The following GRID1 variants were observed in gnomAD, a reference collection of about 807,000 sequenced individuals.
The protein encoded by GRID1 is glutamate receptor ionotropic, delta-1.
GRID1 carries 28 observed loss-of-function variants against 98.0 expected under a neutral mutation model. The ratio of observed to expected loss-of-function variants is 0.29; its 90% CI spans 0.21 to 0.39. GRID1 has a LOEUF of 0.39. Among genes scored for constraint, GRID1 ranks in the 10% least tolerant of loss-of-function variants. GRID1 has a pLI of 1.00. For synonymous variants in GRID1, 553 were observed against 538.5 expected (o/e 1.03, Z -0.37); for missense variants, 1,111 against 1,340.5 (o/e 0.83, Z 2.67).
intron 4 of GRID1, among the ~76,000 whole-genome samples, chr10:86,069,804 T>C (rs1378006112): frequency 6.6e-6 from 1 of 152,206 alleles, no homozygotes; most frequent in Non-Finnish European, 1.5e-5. Context: ...CATTTCCTGT[T>C]AGCCATAACA....
intron 12 of GRID1, among the ~76,000 whole-genome samples, chr10:85,709,803 T>C (rs1438466373): frequency 6.6e-6 from 1 of 152,218 alleles, no homozygotes; most frequent in Non-Finnish European, 1.5e-5. Context: ...AGGAGGAATA[T>C]AGACCATAGC....
At chr10:86,207,870 T>C (rs1264925261) in intron 2 of GRID1, among the ~76,000 whole-genome samples, 1 of 152,122 alleles carries the variant, frequency 6.6e-6, no homozygotes, top group African/African-American at 2.4e-5. Context: ...GACCTCGTGA[T>C]CCGCCCGTCT....
intron 9 of GRID1, 107 bp from the exon 10 acceptor site, chr10:85,728,159 C>G: frequency 1.2e-6 from 1 of 851,986 alleles, no homozygotes; most frequent in South Asian, 1.4e-5. Flanking sequence ...TTGCAGTTCC[C>G]CAATTTAGGA....
At position 86,365,764 on chromosome 10, in the gene GRID1, C is replaced by CG. The variant is rs1848668152; in HGVS notation, c.79+549dup. Among the ~76,000 whole-genome samples, 1 of 152,154 alleles carries CG rather than the reference C, an allele frequency of 6.6e-6. No homozygotes were observed. The highest frequency in any genetic ancestry group is 1.5e-5 in the Non-Finnish European group (1 of 68,028). ...CCACTCTAACAGGCTGACAGACAGTCGTGCACGCACCAACACACGCTCAGA... is the reference window on the plus strand; with the variant it reads ...CCACTCTAACAGGCTGACAGACAGTCGGTGCACGCACCAACACACGCTCAGA... On this transcript the variant is annotated intron_variant, in intron 1 of 15. Coordinates refer to ENST00000327946, the MANE Select transcript of GRID1 (RefSeq NM_017551.3). This position sits in a 1 kb window ranked among gnomAD's most constrained non-coding sequence, Gnocchi z 4.8.
chr10:86,165,743 C>G (rs1243312437), intron 3 of GRID1, among the ~76,000 whole-genome samples: 2 of 152,146 alleles, frequency 1.3e-5, no homozygotes, highest in African/African-American at 4.8e-5. Context: ...GACAAACTGT[C>G]CCACTGACCA....
intron 8 of GRID1, among the ~76,000 whole-genome samples, chr10:85,778,434 T>G (rs1842351969): frequency 6.6e-6 from 1 of 152,162 alleles, no homozygotes. Flanking sequence ...TCAGGAACCA[T>G]GTGGTATTCA....
At chr10:85,864,656 C>T (rs753576796) in intron 6 of GRID1, among the ~76,000 whole-genome samples, 3 of 152,090 alleles carry the variant, frequency 2.0e-5, no homozygotes, top group Non-Finnish European at 2.9e-5. Flanking sequence ...AACAGGTTGA[C>T]AAAAACCTTT....
chr10:86,247,196 G>A (rs1846743486), intron 2 of GRID1, among the ~76,000 whole-genome samples: 1 of 151,968 alleles, frequency 6.6e-6, no homozygotes, highest in African/African-American at 2.4e-5. Context: ...TGAGTGGATG[G>A]GTGGGTAGAT....
chr10:85,709,638 C>T lies in GRID1; in HGVS notation c.1997+13365G>A, dbSNP rs138988295. ...CACCTACGCTGTCTCTCTCTTTTAG[C>T]CCATGGAGCTCATAGTCTGGATTAG... On this transcript the variant is annotated intron_variant, in intron 12 of 15. Coordinates refer to ENST00000327946, the MANE Select transcript of GRID1 (RefSeq NM_017551.3). 4.8e-3 allele frequency among the ~76,000 whole-genome samples: 736 copies of T among 152,238 alleles called. 7 individuals are homozygous for T. The highest frequency in any genetic ancestry group is 0.017 in the African/African-American group (709 of 41,534).
chr10:85,619,416 A>T (rs1842831463), intron 14 of GRID1, among the ~76,000 whole-genome samples: 1 of 152,170 alleles, frequency 6.6e-6, no homozygotes, highest in Non-Finnish European at 1.5e-5. Flanking sequence ...TTACAGGTAC[A>T]TTTCTCTTTA....
At chr10:86,080,528 G>GAAGGAAAA (rs1321885458) in intron 4 of GRID1, among the ~76,000 whole-genome samples, 2 of 149,534 alleles carry the variant, frequency 1.3e-5, no homozygotes, top group Non-Finnish European at 3.0e-5. Flanking sequence ...AAGAAGGAAG[G>GAAGGAAAA]AAGGAAAAAA....
chr10:86,364,845 CT>C lies in GRID1; in HGVS notation c.80-750del, dbSNP rs1313971000. On this transcript the variant is annotated intron_variant, in intron 1 of 15. Coordinates refer to ENST00000327946, the MANE Select transcript of GRID1 (RefSeq NM_017551.3). ...CCCAGAAGGAGCTGCTCTTGAAGGG[CT>C]TTCTAGAACCGCGGACAGCTCCTCC... 4.6e-5 allele frequency among the ~76,000 whole-genome samples: 7 copies of C among 152,264 alleles called. No homozygotes were observed. In the East Asian group the frequency reaches 1.2e-3, roughly 25 times the overall value.
At chr10:85,997,424 T>C (rs908835758) in intron 4 of GRID1, among the ~76,000 whole-genome samples, 1 of 151,704 alleles carries the variant, frequency 6.6e-6, no homozygotes, top group Non-Finnish European at 1.5e-5. Context: ...TATAACATAG[T>C]TGGATAAGGT....
chr10:85,946,138 T>C (rs1374712808), intron 4 of GRID1, among the ~76,000 whole-genome samples: 2 of 152,216 alleles, frequency 1.3e-5, no homozygotes, highest in African/African-American at 2.4e-5. Context: ...TCCCAGACTT[T>C]TAAGCACTTT....
intron 3 of GRID1, among the ~76,000 whole-genome samples, chr10:86,147,161 A>C (rs2131977836): frequency 6.6e-6 from 1 of 152,172 alleles, no homozygotes; most frequent in South Asian, 2.1e-4. Flanking sequence ...TCTGGGAGGG[A>C]GGGCTCTCCT....
At chr10:85,693,072 T>C (rs762295859) in intron 12 of GRID1, among the ~76,000 whole-genome samples, 4 of 152,116 alleles carry the variant, frequency 2.6e-5, no homozygotes, top group Non-Finnish European at 5.9e-5. Flanking sequence ...TGGAGAAAGA[T>C]TTGAGGGAGT....
In GRID1 at chr10:86,137,150, C is replaced by A. The variant is rs1844939636; in HGVS notation, c.726+1669G>T. ...GGCCAGTCTTAGTTATGTGTTAAAT[C>A]CTCACAGGGCTAGAAACAGGAAGGG... On this transcript the variant is annotated intron_variant, in intron 4 of 15. Transcript: ENST00000327946. Among the ~76,000 whole-genome samples, 4 of 152,166 alleles carry A rather than the reference C, an allele frequency of 2.6e-5. No individual in the cohort carries two copies. The South Asian group carries it at 8.3e-4, about 32-fold the overall frequency.
chr10:85,916,157 C>G lies in GRID1; in HGVS notation c.780+29G>C. 1 of 1,562,492 alleles carries G rather than the reference C, an allele frequency of 6.4e-7. No homozygotes were observed. Among genetic ancestry groups the G allele is most frequent in the Non-Finnish European group, 8.8e-7 (1 of 1,133,076 alleles). On this transcript the variant is annotated intron_variant, in intron 5 of 15. Transcript: ENST00000327946. The surrounding 1 kb of genome is among the most constrained non-coding windows in gnomAD (Gnocchi z 4.0). ...AAGGGGCTAGGGGCTCAGTCCAGGC[C>G]GTGCTCATCACATTTCTAGAGCCCT...
chr10:85,917,611 A>G (rs980682739), intron 4 of GRID1, among the ~76,000 whole-genome samples: 3 of 152,222 alleles, frequency 2.0e-5, no homozygotes, highest in African/African-American at 7.2e-5. Context: ...CTCACTCCCA[A>G]CAAATGAGGC....
Sources: allele counts gnomAD v4.1 joint callset (sites outside exome capture counted in the v4.1 genomes callset), GRCh38; gene constraint gnomAD v4.1.1; non-coding constraint Gnocchi (gnomAD v3.1); transcripts MANE v1.5; gene names NCBI Gene and HGNC (gene_info 2026-07-23, HGNC 2026-07-21).